MSN: variants seen among roughly 807,000 people sequenced by gnomAD.
MSN encodes the protein epididymis luminal protein 70.
Under a neutral mutation model 48.0 loss-of-function variants are expected in MSN, and 2 were observed. The ratio of observed to expected loss-of-function variants is 0.04; its 90% CI spans 0.02 to 0.13. MSN has a LOEUF of 0.13. Ranked by LOEUF, MSN falls within the 10% of genes least tolerant of loss-of-function variation. The pLI, the probability that MSN is intolerant of heterozygous loss-of-function variation, is 1.00. For synonymous variants in MSN, 146 were observed against 166.9 expected (o/e 0.87, Z 0.97); for missense variants, 267 against 470.1 (o/e 0.57, Z 3.99).
At chrX:65,736,329 G>A (rs1280482018) in intron 8 of MSN, among the ~76,000 whole-genome samples, 1 of 110,818 alleles carries the variant, frequency 9.0e-6, no homozygotes, top group African/African-American at 3.3e-5. Flanking sequence ...ATGATATGAG[G>A]ACAAGGGTAT....
chrX:65,646,716 C>T (rs1171560200), intron 1 of MSN, among the ~76,000 whole-genome samples: 5 of 111,953 alleles, frequency 4.5e-5, no homozygotes, highest in Non-Finnish European at 9.4e-5. Context: ...GAGGCCAAGG[C>T]GGGCTGATCA....
chrX:65,724,721 C>T lies in MSN; in HGVS notation c.97-3093C>T, dbSNP rs534508950. 3.0e-4 allele frequency among the ~76,000 whole-genome samples: 33 copies of T among 111,270 alleles called. No homozygotes were observed. In the South Asian group the frequency reaches 0.012, roughly 40 times the overall value. On this transcript the variant is annotated intron_variant, in intron 2 of 12. Coordinates refer to ENST00000360270, the MANE Select transcript of MSN (RefSeq NM_002444.3). ...TGTTTGTTTTTGACAGTGTCTTGTT[C>T]TGTCACCCATACTGGAGTGCAGTGG...
At chrX:65,648,141 G>T (rs912807619) in intron 1 of MSN, among the ~76,000 whole-genome samples, 4 of 109,837 alleles carry the variant, frequency 3.6e-5, no homozygotes, top group African/African-American at 9.9e-5. Flanking sequence ...GGGGTGGGGG[G>T]GGCGTGAGGA....
At chrX:65,696,287 G>A (rs1602812478) in intron 1 of MSN, among the ~76,000 whole-genome samples, 1 of 111,052 alleles carries the variant, frequency 9.0e-6, no homozygotes, top group Admixed American at 9.6e-5. Flanking sequence ...TCCATATTGG[G>A]TGTCTGATAA....
chrX:65,731,847 T>C lies in MSN; in HGVS notation c.561T>C (p.Ala187=). ...EEHRGMLRED[A]VLEYLKIAQD... ...ACTCTGTGTCATTTAGGGAGGATGC[T>C]GTCCTGGAATATCTGAAGATTGCTC... Residue 187 remains alanine (A), a synonymous_variant, in exon 6 of 13, where the codon GCT becomes GCC. Transcript: ENST00000360270. 1 of 1,208,276 alleles carries C rather than the reference T, an allele frequency of 8.3e-7. No individual in the cohort carries two copies. Among genetic ancestry groups the C allele is most frequent in the Non-Finnish European group, 1.1e-6 (1 of 894,052 alleles).
chrX:65,730,212 C>A (rs934129129), intron 4 of MSN, among the ~76,000 whole-genome samples: 2 of 111,859 alleles, frequency 1.8e-5, no homozygotes, highest in Non-Finnish European at 3.8e-5. Context: ...GTTTTTGTAT[C>A]ACAATAACAC....
At chrX:65,733,397 C>T (rs1322874019) in intron 7 of MSN, 117 bp downstream of exon 7, 44 of 534,716 alleles carry the variant, frequency 8.2e-5, no homozygotes, top group Middle Eastern at 6.8e-4. Context: ...CGTGTGTGCG[C>T]GCATGTGCAC....
chrX:65,612,217 G>GA (rs201300148), intron 1 of MSN, among the ~76,000 whole-genome samples: 24,468 of 110,056 alleles, frequency 0.22, 6,689 homozygotes, highest in African/African-American at 0.77. Flanking sequence ...CATTATAAAA[G>GA]GCAAGTTTGG....
At chrX:65,642,987 C>A (rs755031078) in intron 1 of MSN, among the ~76,000 whole-genome samples, 1 of 110,718 alleles carries the variant, frequency 9.0e-6, no homozygotes, top group Non-Finnish European at 1.9e-5. Context: ...CCATCCCACT[C>A]GCTTCTCCCT....
chrX:65,708,719 G>T (rs2071386373), intron 1 of MSN, among the ~76,000 whole-genome samples: 1 of 110,430 alleles, frequency 9.1e-6, no homozygotes, highest in African/African-American at 3.3e-5. Flanking sequence ...GTCTTGCTCT[G>T]TTGCCCAGGC....
At chrX:65,609,430 G>A (rs186407472) in intron 1 of MSN, among the ~76,000 whole-genome samples, 27 of 111,165 alleles carry the variant, frequency 2.4e-4, no homozygotes, top group Admixed American at 2.2e-3. Flanking sequence ...GGCAGAGACT[G>A]CTTGTACAGG....
intron 1 of MSN, among the ~76,000 whole-genome samples, chrX:65,617,653 A>G (rs1455050409): frequency 1.0e-5 from 1 of 96,807 alleles, no homozygotes; most frequent in Non-Finnish European, 2.0e-5. Flanking sequence ...CTTTCAAAAA[A>G]CCAGCTCCTG....
chrX:65,682,279 G>C (rs1216736052), intron 1 of MSN, among the ~76,000 whole-genome samples: 2 of 112,118 alleles, frequency 1.8e-5, no homozygotes, highest in Non-Finnish European at 3.8e-5. Context: ...AACAGTTCAT[G>C]AAGAACCATC....
Position 65,594,256 on chromosome X carries a change from A to G in MSN, c.-22+5644A>G, listed in dbSNP as rs181810238. Among the ~76,000 whole-genome samples, 541 of 112,011 alleles carry G rather than the reference A, an allele frequency of 4.8e-3. 2 individuals carry two copies. Among genetic ancestry groups the G allele is most frequent in the African/African-American group, 0.016 (480 of 30,807 alleles). ...GGAATTTCCCTAAGGGCACAAAGGC[A>G]AGTAGTGGCAGAACTGGGAGTTCTG... On this transcript the variant is annotated intron_variant, in intron 1 of 3. Transcript: ENST00000609672.
At chrX:65,662,477 C>T (rs2070831235) in intron 1 of MSN, among the ~76,000 whole-genome samples, 1 of 111,793 alleles carries the variant, frequency 8.9e-6, no homozygotes, top group African/African-American at 3.3e-5. Flanking sequence ...ACTCAGAAAT[C>T]AGGCCTCATA....
intron 1 of MSN, among the ~76,000 whole-genome samples, chrX:65,635,926 G>A (rs944380863): frequency 1.8e-5 from 2 of 112,478 alleles, no homozygotes; most frequent in African/African-American, 6.5e-5. Flanking sequence ...GTGAAAGCCA[G>A]AGAGGGCGCT....
At chrX:65,728,483 C>T (rs894528455) in intron 3 of MSN, among the ~76,000 whole-genome samples, 6 of 110,146 alleles carry the variant, frequency 5.4e-5, no homozygotes, top group Admixed American at 1.9e-4. Flanking sequence ...TTAGTAGAGA[C>T]GGGGTTTCAC....
intron 2 of MSN, among the ~76,000 whole-genome samples, chrX:65,723,314 G>A (rs916488615): frequency 9.0e-6 from 1 of 111,507 alleles, no homozygotes; most frequent in African/African-American, 3.3e-5. Flanking sequence ...TAAACCTGAG[G>A]CTTCAAAGAA....
At chrX:65,638,053 C>T (rs755169366) in intron 1 of MSN, among the ~76,000 whole-genome samples, 2 of 112,279 alleles carry the variant, frequency 1.8e-5, no homozygotes, top group South Asian at 3.7e-4. Flanking sequence ...TGACAGAGTA[C>T]CTGCTAGATC....
Sources: gnomAD v4.1 joint callset for allele counts (sites outside exome capture counted in the v4.1 genomes callset) on GRCh38, gnomAD v4.1.1 for gene constraint, MANE v1.5 for transcripts, NCBI Gene and HGNC (gene_info 2026-07-23, HGNC 2026-07-21) for gene names.